Variants in ESCO2 observed in about 807,000 individuals in gnomAD.
The protein encoded by ESCO2 is establishment of sister chromatid cohesion N-acetyltransferase 2, also known as N-acetyltransferase ESCO2.
A neutral mutation model predicts 61.7 loss-of-function variants in ESCO2; 51 were observed. That is an observed-to-expected ratio of 0.83 (90% confidence interval 0.66 to 1.04). The LOEUF is 1.04. Among genes scored for constraint, ESCO2 ranks in the 50% least tolerant of loss-of-function variants. The probability of loss-of-function intolerance (pLI) is 0.00; values close to 1 mark genes in which losing one functional copy is unlikely to be tolerated. For synonymous variants in ESCO2, 230 were observed against 238.2 expected, an observed-to-expected ratio of 0.97 and a Z score of 0.32; for missense variants, 692 against 686.2, an observed-to-expected ratio of 1.01 and a Z score of -0.09.
chr8:27,792,639 T>G, intron 8 of ESCO2, 29 bp from the exon 9 acceptor site: 1 of 1,606,974 alleles, frequency 6.2e-7, no homozygotes, highest in Non-Finnish European at 8.5e-7. Flanking sequence ...TTTAAAACAT[T>G]CACCTGTCTT....
chr8:27,810,594 T>C, downstream of ESCO2: 1 of 681,424 alleles, frequency 1.5e-6, no homozygotes, highest in Non-Finnish European at 2.5e-6. Flanking sequence ...CAAGAATTTA[T>C]GGTCCAGTAT....
At chr8:27,780,352 G>T (rs1481249415) in intron 4 of ESCO2, 85 bp downstream of exon 4, 41 of 957,756 alleles carry the variant, frequency 4.3e-5, no homozygotes, top group Non-Finnish European at 3.3e-6. Flanking sequence ...GTAATTTCTG[G>T]GTCTTTCTTT....
At chr8:27,807,323 C>T, downstream of ESCO2, among the ~76,000 whole-genome samples, 1 of 152,132 alleles carries the variant, frequency 6.6e-6, no homozygotes, top group Non-Finnish European at 1.5e-5. Flanking sequence ...ACATCTTGAA[C>T]AGATACTCAG....
intron 3 of ESCO2, chr8:27,777,714 A>G (rs943355039): frequency 1.3e-5 from 2 of 152,350 alleles, no homozygotes; most frequent in Non-Finnish European, 2.9e-5. Context: ...TCAGAAAAAA[A>G]GTTGAGTTTT....
downstream of ESCO2, chr8:27,811,166 A>T: frequency 6.2e-7 from 1 of 1,610,430 alleles, no homozygotes; most frequent in Non-Finnish European, 8.5e-7. Context: ...TGAAGGCAGG[A>T]GCTACAAATC....
the ESCO2 span, among the ~76,000 whole-genome samples, chr8:27,818,398 A>G: frequency 6.6e-6 from 1 of 152,246 alleles, no homozygotes; most frequent in Non-Finnish European, 1.5e-5. Context: ...AGGATATTTC[A>G]GTGGACAAGA....
upstream of ESCO2, chr8:27,774,336 C>T (rs1004235301): frequency 1.1e-4 from 17 of 152,160 alleles, no homozygotes; most frequent in African/African-American, 3.4e-4. Context: ...GCCCCGGGAA[C>T]GGAGTCCGGC....
At chr8:27,774,848 C>T (rs1585388302) in intron 1 of ESCO2, 1 of 152,176 alleles carries the variant, frequency 6.6e-6, no homozygotes, top group Non-Finnish European at 1.5e-5. Flanking sequence ...TTGTTTGTTT[C>T]CCTGACCGGG....
chr8:27,789,984 A>G (rs911608197), intron 7 of ESCO2, among the ~76,000 whole-genome samples: 1 of 152,168 alleles, frequency 6.6e-6, no homozygotes, highest in African/African-American at 2.4e-5. Flanking sequence ...TCTGATCTCT[A>G]CATCAGCCAG....
intron 6 of ESCO2, 60 bp downstream of exon 6, chr8:27,788,062 C>A: frequency 8.4e-7 from 1 of 1,196,608 alleles, no homozygotes; most frequent in Non-Finnish European, 1.2e-6. Flanking sequence ...GCTTGCCAAC[C>A]CCTGTATTAG....
downstream of ESCO2, among the ~76,000 whole-genome samples, chr8:27,806,920 C>CT (rs1310956522): frequency 6.6e-6 from 1 of 151,918 alleles, no homozygotes; most frequent in Non-Finnish European, 1.5e-5. Context: ...CCAGCTGTTA[C>CT]TTTTTTTTAA....
At chr8:27,808,776 G>A (rs1021684581), downstream of ESCO2, among the ~76,000 whole-genome samples, 1 of 151,166 alleles carries the variant, frequency 6.6e-6, no homozygotes, top group South Asian at 2.1e-4. Flanking sequence ...CTGAGACTTA[G>A]AGCAAGTTCT....
At chr8:27,779,392 A>T (rs1350247081) in intron 3 of ESCO2, 2 of 152,226 alleles carry the variant, frequency 1.3e-5, no homozygotes, top group South Asian at 2.1e-4. Context: ...TTCCCAAATT[A>T]GTATGAGGGA....
chr8:27,788,044 G>A (rs1805087407), intron 6 of ESCO2, 42 bp downstream of exon 6: 3 of 1,469,292 alleles, frequency 2.0e-6, no homozygotes, highest in South Asian at 2.3e-5. Flanking sequence ...CTAGCCCTTT[G>A]CAGAAAAGCT....
intron 7 of ESCO2, 60 bp downstream of exon 7, chr8:27,789,038 T>A: frequency 1.2e-6 from 2 of 1,606,648 alleles, no homozygotes; most frequent in Admixed American, 1.7e-5. Flanking sequence ...AGACATTTCT[T>A]TTCCACCACC....
rs1222665973 is a variant in ESCO2, at chr8:27,802,630, AATATAT to A, written c.1674-655_1674-650del. Among the ~76,000 whole-genome samples the A allele has an allele frequency of 4.8e-3, 218 of 45,818 alleles. 1 individual carries two copies. Among genetic ancestry groups the A allele is most frequent in the African/African-American group, 0.016 (164 of 10,024 alleles). 30.1% of individuals were successfully genotyped at this position (45,818 alleles called of 152,430 possible). Reference sequence around the variant, plus strand: ...CTCAAAAAAAAAAAAAAAAAAAAAAAATATATATATATATATATATATATATTATAT... The same window carrying A: ...CTCAAAAAAAAAAAAAAAAAAAAAAAATATATATATATATATATATTATAT... On this transcript the variant is annotated intron_variant, in intron 10 of 10. Transcript: ENST00000305188.
Position 27,803,600 on chromosome 8 carries a change from G to A in ESCO2, c.*162G>A. 1 of 1,383,594 alleles carries A rather than the reference G, an allele frequency of 7.2e-7. No homozygotes were observed. The allele number at this position is 1,383,594 out of a possible 1,614,324, so 85.7% of individuals were successfully genotyped here. A position where few individuals can be genotyped will look rare whatever the true frequency, so the allele number is the denominator to read the frequency against. On this transcript the variant is annotated 3_prime_UTR_variant, in exon 11 of 11. Coordinates refer to ENST00000305188, the MANE Select transcript of ESCO2 (RefSeq NM_001017420.3). ...CACATATCACAGTTTTGTTCCTTAT[G>A]AGTTGAAAAGTCAGGAATAAATTTG...
At chr8:27,817,514 C>T (rs149016998), downstream of ESCO2, among the ~76,000 whole-genome samples, 715 of 151,254 alleles carry the variant, frequency 4.7e-3, 7 homozygotes, top group African/African-American at 0.017. Flanking sequence ...GTTTTTGTTA[C>T]TGCTTTAGTT....
chr8:27,790,073 C>G (rs1409453515), intron 7 of ESCO2, among the ~76,000 whole-genome samples: 1 of 152,222 alleles, frequency 6.6e-6, no homozygotes, highest in Non-Finnish European at 1.5e-5. Flanking sequence ...GAATAAAACC[C>G]AGACTCCTTA....
Sources: allele counts gnomAD v4.1 joint callset (sites outside exome capture counted in the v4.1 genomes callset), GRCh38; gene constraint gnomAD v4.1.1; transcripts MANE v1.5; gene names NCBI Gene and HGNC (gene_info 2026-07-23, HGNC 2026-07-21).